NRXN2: variants seen among roughly 807,000 people sequenced by gnomAD.
NRXN2 encodes neurexin-2-beta.
A neutral mutation model predicts 128.8 loss-of-function variants in NRXN2; 29 were observed. The observed-to-expected ratio is 0.23, with a 90% CI of 0.17 to 0.31. The LOEUF (loss-of-function observed/expected upper bound fraction) is 0.31. NRXN2 is among the 10% of genes least tolerant of loss of function. NRXN2 has a pLI of 1.00. For synonymous variants in NRXN2, 1,098 were observed against 1,075.2 expected (o/e 1.02, Z -0.41); for missense variants, 1,881 against 2,452.6 (o/e 0.77, Z 4.92).
intron 9 of NRXN2, among the ~76,000 whole-genome samples, chr11:64,666,204 A>ATTTT (rs35403625): frequency 7.3e-6 from 1 of 137,196 alleles, no homozygotes; most frequent in African/African-American, 2.7e-5. Context: ...GAGTGAGTTA[A>ATTTT]TTTTTTTTTT....
intron 11 of NRXN2, among the ~76,000 whole-genome samples, chr11:64,655,922 G>C (rs2048209571): frequency 1.3e-5 from 2 of 152,220 alleles, no homozygotes. Flanking sequence ...TCAAGTGCAG[G>C]GAATAGGCAG....
In NRXN2 at chr11:64,660,681, G is replaced by T; in HGVS notation, c.2185+72C>A. On this transcript the variant is annotated intron_variant, in intron 10 of 22. Coordinates refer to ENST00000265459, the MANE Select transcript of NRXN2 (RefSeq NM_015080.4). The surrounding 1 kb of genome is among the most constrained non-coding windows in gnomAD (Gnocchi z 5.2). Reference sequence around the variant, plus strand: ...GGAGGAGGTGGCACAGGGATGGAAAGTAGGAGTCACCCTGAGAAGGAGGAG... The same window carrying T: ...GGAGGAGGTGGCACAGGGATGGAAATTAGGAGTCACCCTGAGAAGGAGGAG... The T allele has an allele frequency of 6.2e-7, 1 of 1,600,374 alleles. No homozygotes were observed.
chr11:64,639,698 T>C (rs2045365033), intron 17 of NRXN2, among the ~76,000 whole-genome samples: 2 of 150,512 alleles, frequency 1.3e-5, no homozygotes, highest in South Asian at 4.2e-4. Flanking sequence ...TTGGGGGGGA[T>C]GGCAGGGTAA....
At chr11:64,628,755 G>A (rs1206492967) in intron 19 of NRXN2, among the ~76,000 whole-genome samples, 1 of 152,234 alleles carries the variant, frequency 6.6e-6, no homozygotes, top group African/African-American at 2.4e-5. Flanking sequence ...CAGGAATCAT[G>A]CCTACACAGC....
chr11:64,655,511 T>C (rs1432521911), intron 11 of NRXN2, among the ~76,000 whole-genome samples: 2 of 151,566 alleles, frequency 1.3e-5, no homozygotes, highest in Non-Finnish European at 2.9e-5. Context: ...GGGGGCTCTC[T>C]CGGGGCCAGC....
chr11:64,612,226 G>A (rs1482445891), intron 22 of NRXN2, among the ~76,000 whole-genome samples: 2 of 152,092 alleles, frequency 1.3e-5, no homozygotes, highest in Non-Finnish European at 2.9e-5. Flanking sequence ...GCTCCTCAAA[G>A]ACTCCTCCCT....
At chr11:64,628,067 T>C (rs185718577) in intron 19 of NRXN2, among the ~76,000 whole-genome samples, 6 of 152,322 alleles carry the variant, frequency 3.9e-5, no homozygotes, top group Admixed American at 3.9e-4. Context: ...CCTGTGTGTG[T>C]GTCTCCAAGA....
chr11:64,611,220 G>A (rs1480168911), intron 22 of NRXN2, among the ~76,000 whole-genome samples: 2 of 152,152 alleles, frequency 1.3e-5, no homozygotes, highest in South Asian at 2.1e-4. Flanking sequence ...GGAAGGGAGT[G>A]GGCGTCTCTC....
rs1292687772 is a variant in NRXN2, at chr11:64,667,445, C to A, written c.1603G>T (p.Gly535Cys). ...CCAGCTCCACCCCCAGCCCGCCGGC[C>A]CTGGCTGAAGAGCAGCAGCCCATTG... ...EPNGLLLFSQ[G>C]RRAGGGAGSH... Residue 535 changes from glycine to cysteine, a missense_variant, in exon 9 of 23, where the codon GGC becomes TGC. Physicochemically the swap from Gly to Cys is radical, Grantham distance 159. This residue lies in a region of NRXN2 where 997 missense variants were observed against 1,240.8 expected (regional missense o/e 0.80). Transcript: ENST00000265459. This position sits in a 1 kb window ranked among gnomAD's most constrained non-coding sequence, Gnocchi z 5.6. 1 of 1,614,140 alleles carries A rather than the reference C, an allele frequency of 6.2e-7. No homozygotes were observed. Among genetic ancestry groups the A allele is most frequent in the South Asian group, 1.1e-5 (1 of 91,076 alleles).
At position 64,697,803 on chromosome 11, in the gene NRXN2, C is replaced by T. The variant is rs374418415; in HGVS notation, c.731-11G>A. ...CCATGGGGTGCTCCTCTGCAGCCAG[C>T]GAGGTTCGGAGAAGACGGAGGCAGA... On this transcript the variant is annotated splice_polypyrimidine_tract_variant and intron_variant, in intron 2 of 22. Coordinates refer to ENST00000265459, the MANE Select transcript of NRXN2 (RefSeq NM_015080.4). 4.3e-5 allele frequency: 69 copies of T among 1,613,540 alleles called. No homozygotes were observed. The Admixed American group carries it at 7.0e-4, about 16-fold the overall frequency.
chr11:64,656,267 T>C (rs1230223725), intron 11 of NRXN2: 1 of 152,194 alleles, frequency 6.6e-6, no homozygotes, highest in Non-Finnish European at 1.5e-5. Context: ...GGAAAGGCAA[T>C]GTACCCTCCC....
At chr11:64,716,857 G>A (rs191428314) in intron 1 of NRXN2, among the ~76,000 whole-genome samples, 7 of 152,156 alleles carry the variant, frequency 4.6e-5, no homozygotes, top group African/African-American at 1.7e-4. Context: ...CAGGAGGAGT[G>A]AGCCAGCGGA....
chr11:64,628,480 C>T (rs776663244), intron 19 of NRXN2, among the ~76,000 whole-genome samples: 2 of 152,148 alleles, frequency 1.3e-5, no homozygotes, highest in Non-Finnish European at 2.9e-5. Context: ...CATGTTACTC[C>T]CCTTTACAGG....
intron 2 of NRXN2, among the ~76,000 whole-genome samples, chr11:64,703,846 T>C (rs1280617741): frequency 2.0e-5 from 3 of 152,216 alleles, no homozygotes; most frequent in African/African-American, 7.2e-5. Context: ...TTTCGTATAT[T>C]AATTCACTTA....
chr11:64,609,013 C>T (rs566614411), intron 22 of NRXN2, among the ~76,000 whole-genome samples: 3 of 152,054 alleles, frequency 2.0e-5, no homozygotes, highest in African/African-American at 7.2e-5. Context: ...GGCGAGACAT[C>T]GAAAGTGGGA....
chr11:64,653,659 C>T (rs1318940147), intron 12 of NRXN2, 37 bp downstream of exon 12: 2 of 1,581,738 alleles, frequency 1.3e-6, no homozygotes, highest in African/African-American at 1.3e-5. Flanking sequence ...ATCCCAGTCC[C>T]CTTGGGTCTC....
At chr11:64,721,859 A>G (rs2057440675) in intron 1 of NRXN2, among the ~76,000 whole-genome samples, 1 of 151,870 alleles carries the variant, frequency 6.6e-6, no homozygotes, top group Admixed American at 6.6e-5. Context: ...CCCAAGACCC[A>G]CCCCCTAAAA....
chr11:64,650,928 C>T (rs1446979547), intron 14 of NRXN2, among the ~76,000 whole-genome samples: 5 of 152,232 alleles, frequency 3.3e-5, no homozygotes, highest in African/African-American at 9.6e-5. Flanking sequence ...CCTCTGGAGG[C>T]AGGGACTGGG....
rs2042481472 is a variant in NRXN2 at position 64,622,351 on chromosome 11, ATC to A, written c.4173+400_4173+401del. ...CAGCAGGGCCAGCCTGGTACCATCC[ATC>A]TCCCACTCTCTGCCCACACAGAACG... On this transcript the variant is annotated intron_variant, in intron 21 of 22. Transcript: ENST00000265459. The surrounding 1 kb of genome is among the most constrained non-coding windows in gnomAD (Gnocchi z 4.3). Among the ~76,000 whole-genome samples, 1 of 152,102 alleles carries A rather than the reference ATC, an allele frequency of 6.6e-6. No homozygotes were observed. Among genetic ancestry groups the A allele is most frequent in the African/African-American group, 2.4e-5 (1 of 41,406 alleles).
Sources: gnomAD v4.1 joint callset for allele counts (sites outside exome capture counted in the v4.1 genomes callset) on GRCh38, gnomAD v4.1.1 for gene constraint, gnomAD v4.1.1 regional missense constraint, Gnocchi (gnomAD v3.1) non-coding constraint, MANE v1.5 for transcripts, NCBI Gene and HGNC (gene_info 2026-07-23, HGNC 2026-07-21) for gene names.